Variants in EXPH5 observed in about 807,000 individuals in gnomAD.
EXPH5 encodes the protein exophilin 5, also known as exophilin-5.
A neutral mutation model predicts 41.1 loss-of-function variants in EXPH5; 42 were observed. The observed-to-expected ratio is 1.02, with a 90% CI of 0.80 to 1.32. EXPH5 has a LOEUF of 1.32. Among genes scored for constraint, EXPH5 ranks in the 40% most tolerant of loss-of-function variants. The pLI is 0.00. For synonymous variants in EXPH5, 798 were observed against 833.5 expected (o/e 0.96, Z 0.73); for missense variants, 2,298 against 2,314.5 (o/e 0.99, Z 0.15).
intron 1 of EXPH5, among the ~76,000 whole-genome samples, chr11:108,549,819 ATTGT>A (rs929867465): frequency 6.6e-6 from 1 of 152,078 alleles, no homozygotes; most frequent in African/African-American, 2.4e-5. Context: ...TGATGTGTAG[ATTGT>A]TTGCAAAGAA....
intron 1 of EXPH5, among the ~76,000 whole-genome samples, chr11:108,570,336 C>T (rs2094054478): frequency 2.0e-5 from 3 of 152,030 alleles, no homozygotes; most frequent in African/African-American, 4.8e-5. Flanking sequence ...CTCACTGCAA[C>T]CTCCGCCTCC....
intron 1 of EXPH5, among the ~76,000 whole-genome samples, chr11:108,577,580 C>T (rs1054287103): frequency 4.7e-4 from 72 of 152,038 alleles, no homozygotes; most frequent in African/African-American, 1.5e-3. Context: ...TGTGTCACCA[C>T]GCCCGGCTAA....
the EXPH5 span, among the ~76,000 whole-genome samples, chr11:108,605,429 T>C: frequency 1.3e-5 from 2 of 152,202 alleles, no homozygotes; most frequent in Non-Finnish European, 2.9e-5. Context: ...CTGAAGCTGA[T>C]TTTGTCCCTT....
the EXPH5 span, among the ~76,000 whole-genome samples, chr11:108,603,904 G>C: frequency 6.6e-6 from 1 of 152,134 alleles, no homozygotes; most frequent in Non-Finnish European, 1.5e-5. Flanking sequence ...CAGGAGAAGC[G>C]AACACAGACT....
intron 1 of EXPH5, among the ~76,000 whole-genome samples, chr11:108,570,319 A>G (rs1309448302): frequency 2.0e-5 from 3 of 152,082 alleles, no homozygotes; most frequent in Non-Finnish European, 4.4e-5. Flanking sequence ...CAGTGGTACA[A>G]TCTTGGCTCA....
chr11:108,555,748 T>TA (rs2093986864), intron 1 of EXPH5, among the ~76,000 whole-genome samples: 2 of 152,282 alleles, frequency 1.3e-5, no homozygotes, highest in Non-Finnish European at 1.5e-5. Context: ...ATAAGGGGTT[T>TA]ATCTCACTTC....
chr11:108,584,777 T>A (rs943294403), intron 1 of EXPH5, among the ~76,000 whole-genome samples: 1 of 152,226 alleles, frequency 6.6e-6, no homozygotes, highest in Non-Finnish European at 1.5e-5. Flanking sequence ...TGCATCAGTG[T>A]AAGACATAAA....
rs201887546 is a variant in EXPH5, at chr11:108,513,713, T to C, written c.1794A>G (p.Val598=). Residue 598 remains valine (V), a synonymous_variant, in exon 6 of 6, where the codon GTA becomes GTG. Coordinates refer to ENST00000265843, the MANE Select transcript of EXPH5 (RefSeq NM_015065.3). The part of the protein sequence containing the change: ...SSYHVKSSEL[V]SQQDSSPVEV... ...CTACAGGAGAACTGTCCTGTTGACT[T>C]ACCAACTCACTAGATTTGACGTGAT... is the stretch of plus-strand genomic sequence containing the variant. The C allele has an allele frequency of 2.9e-5, 46 of 1,612,626 alleles. No individual in the cohort carries two copies. Among genetic ancestry groups the C allele is most frequent in the Non-Finnish European group, 3.9e-5 (46 of 1,179,530 alleles).
rs184546329 is a variant in EXPH5 at position 108,528,320 on chromosome 11, C to G, written c.444-136G>C. On this transcript the variant is annotated intron_variant, in intron 3 of 5. Coordinates refer to ENST00000265843, the MANE Select transcript of EXPH5 (RefSeq NM_015065.3). ...TCTAATTCACTGTAGAAAGATGTTT[C>G]TTCGTTAGTGCATTATTGAAAAAAA... 2.0e-4 allele frequency: 120 copies of G among 607,160 alleles called. 1 individual carries two copies. In the East Asian group the frequency reaches 3.4e-3, roughly 17 times the overall value. 37.6% of individuals were successfully genotyped at this position (607,160 alleles called of 1,614,324 possible).
At chr11:108,530,850 TTG>T (rs1287441771) in intron 3 of EXPH5, among the ~76,000 whole-genome samples, 2 of 152,108 alleles carry the variant, frequency 1.3e-5, no homozygotes, top group Non-Finnish European at 2.9e-5. Flanking sequence ...GGTGCCATGG[TTG>T]TGTGTGCTCC....
At chr11:108,560,699 T>C (rs1380761875) in intron 1 of EXPH5, among the ~76,000 whole-genome samples, 2 of 152,220 alleles carry the variant, frequency 1.3e-5, no homozygotes, top group East Asian at 3.8e-4. Flanking sequence ...GAACCACTCC[T>C]GGAATAATTA....
At chr11:108,584,962 C>A (rs2094109153) in intron 1 of EXPH5, among the ~76,000 whole-genome samples, 2 of 152,142 alleles carry the variant, frequency 1.3e-5, no homozygotes, top group South Asian at 4.1e-4. Flanking sequence ...AAAGTTAAGA[C>A]AAGCTACAGA....
At chr11:108,597,737 G>A (rs1459103515), upstream of EXPH5, among the ~76,000 whole-genome samples, 1 of 151,870 alleles carries the variant, frequency 6.6e-6, no homozygotes, top group Non-Finnish European at 1.5e-5. Context: ...ATACAATAGG[G>A]AAGGAAAAAA....
At chr11:108,592,867 C>A (rs2094130781) in intron 1 of EXPH5, among the ~76,000 whole-genome samples, 1 of 152,256 alleles carries the variant, frequency 6.6e-6, no homozygotes, top group African/African-American at 2.4e-5. Context: ...GGGGTGGGGA[C>A]CTTTCGCCTC....
Position 108,511,104 on chromosome 11 carries a change from G to T in EXPH5, c.4403C>A (p.Thr1468Lys). 1 of 1,614,068 alleles carries T rather than the reference G, an allele frequency of 6.2e-7. No individual in the cohort carries two copies. The highest frequency in any genetic ancestry group is 8.5e-7 in the Non-Finnish European group (1 of 1,179,974). ...GSGKCPQKDHTSTAVGDGSSG... is the reference protein window; with the variant it reads ...GSGKCPQKDHKSTAVGDGSSG... ...GGAGCCATCACCTACAGCTGTGGATGTGTGATCTTTCTGGGGACACTTGCC... is the reference window on the plus strand; with the variant it reads ...GGAGCCATCACCTACAGCTGTGGATTTGTGATCTTTCTGGGGACACTTGCC... Residue 1468 changes from threonine to lysine, a missense_variant, in exon 6 of 6, where the codon ACA becomes AAA. Thr to Lys is a moderately conservative substitution (Grantham distance 78, BLOSUM62 -1). Coordinates refer to ENST00000265843, the MANE Select transcript of EXPH5 (RefSeq NM_015065.3).
chr11:108,545,957 G>C (rs561540502), intron 1 of EXPH5, among the ~76,000 whole-genome samples: 1 of 151,900 alleles, frequency 6.6e-6, no homozygotes, highest in Non-Finnish European at 1.5e-5. Context: ...AGGGGACCTG[G>C]GCTGAGGCAC....
intron 1 of EXPH5, among the ~76,000 whole-genome samples, chr11:108,560,028 C>A (rs1200979318): frequency 1.3e-5 from 2 of 152,162 alleles, no homozygotes; most frequent in African/African-American, 4.8e-5. Context: ...CCTTCCCACC[C>A]TACCCACACA....
In EXPH5 at chr11:108,509,496, A is replaced by G; in HGVS notation, c.*41T>C. On this transcript the variant is annotated 3_prime_UTR_variant, in exon 6 of 6. Transcript: ENST00000265843. ...ACATGTACACCTTAGTTCCATTATA[A>G]GCTTTTGGTGAAAAAAGTAAAGCAT... 6.6e-7 allele frequency: 1 copy of G among 1,515,848 alleles called. No homozygotes were observed. The highest frequency in any genetic ancestry group is 8.8e-7 in the Non-Finnish European group (1 of 1,133,424). The allele number at this position is 1,515,848 out of a possible 1,614,324, so 93.9% of individuals were successfully genotyped here. A position where few individuals can be genotyped will look rare whatever the true frequency, so the allele number is the denominator to read the frequency against.
In EXPH5 at chr11:108,593,549, G is replaced by T. The variant is rs770637180; in HGVS notation, c.-13C>A. 1.9e-6 allele frequency: 3 copies of T among 1,614,140 alleles called. No individual in the cohort carries two copies. Among genetic ancestry groups the T allele is most frequent in the South Asian group, 2.2e-5 (2 of 91,078 alleles). Reference sequence around the variant, plus strand: ...GAACTTTCGTCATTTTCTTTACTGTGTGTGAGTTACACTTAAGCTCCTTGG... The same window carrying T: ...GAACTTTCGTCATTTTCTTTACTGTTTGTGAGTTACACTTAAGCTCCTTGG... On this transcript the variant is annotated 5_prime_UTR_variant, in exon 1 of 6. Coordinates refer to ENST00000265843, the MANE Select transcript of EXPH5 (RefSeq NM_015065.3).
Sources: allele counts gnomAD v4.1 joint callset (sites outside exome capture counted in the v4.1 genomes callset), GRCh38; gene constraint gnomAD v4.1.1; transcripts MANE v1.5; gene names NCBI Gene and HGNC (gene_info 2026-07-23, HGNC 2026-07-21).